Variants in GRIN2A observed in about 807,000 individuals in gnomAD.
The protein encoded by GRIN2A is glutamate ionotropic receptor NMDA type subunit 2A, also known as glutamate receptor ionotropic, NMDA 2A.
A neutral mutation model predicts 113.4 loss-of-function variants in GRIN2A; 22 were observed. That is an observed-to-expected ratio of 0.19 (90% confidence interval 0.14 to 0.28). The LOEUF is 0.28. Among genes scored for constraint, GRIN2A ranks in the 10% least tolerant of loss-of-function variants. The pLI, the probability that GRIN2A is intolerant of heterozygous loss-of-function variation, is 1.00. For synonymous variants in GRIN2A, 827 were observed against 738.4 expected (o/e 1.12, Z -1.94); for missense variants, 1,502 against 1,887.0 (o/e 0.80, Z 3.78).
chr16:9,894,725 T>C (rs2043768709), intron 3 of GRIN2A, among the ~76,000 whole-genome samples: 1 of 152,230 alleles, frequency 6.6e-6, no homozygotes, highest in Non-Finnish European at 1.5e-5. Flanking sequence ...GGGTTATTTT[T>C]AGCCCCGTCA....
chr16:9,909,611 G>C lies in GRIN2A; in HGVS notation c.1008-18511C>G, dbSNP rs533614473. Reference sequence around the variant, plus strand: ...TAGCTTAAGTACAGAGAAAAGAGCTGTGTGGATCACATTCAAGGAGAAATT... The same window carrying C: ...TAGCTTAAGTACAGAGAAAAGAGCTCTGTGGATCACATTCAAGGAGAAATT... On this transcript the variant is annotated intron_variant, in intron 3 of 12. Transcript: ENST00000330684. Among the ~76,000 whole-genome samples the C allele has an allele frequency of 4.7e-4, 71 of 152,336 alleles. 1 individual carries two copies. In the South Asian group the frequency reaches 5.2e-3, roughly 11 times the overall value.
chr16:9,994,068 C>A (rs1005326854), intron 2 of GRIN2A, among the ~76,000 whole-genome samples: 1 of 152,178 alleles, frequency 6.6e-6, no homozygotes, highest in Admixed American at 6.5e-5. Context: ...TGGAATATCA[C>A]CCTCCATGTT....
chr16:10,026,875 C>T (rs117233548), intron 2 of GRIN2A, among the ~76,000 whole-genome samples: 211 of 152,290 alleles, frequency 1.4e-3, no homozygotes, highest in Non-Finnish European at 2.5e-3. Context: ...TTCCAGTCCC[C>T]TCTCTTTCTC....
chr16:10,092,244 C>G (rs1473434312), intron 2 of GRIN2A, among the ~76,000 whole-genome samples: 1 of 152,140 alleles, frequency 6.6e-6, no homozygotes, highest in Admixed American at 6.5e-5. Flanking sequence ...GGCATAAACA[C>G]CATAATTACA....
At chr16:10,105,530 C>T (rs1403376429) in intron 2 of GRIN2A, among the ~76,000 whole-genome samples, 1 of 151,742 alleles carries the variant, frequency 6.6e-6, no homozygotes, top group African/African-American at 2.4e-5. Context: ...TGTTTAAATG[C>T]ATTTGAGACC....
At chr16:10,147,978 C>T (rs1181450557) in intron 2 of GRIN2A, among the ~76,000 whole-genome samples, 2 of 152,168 alleles carry the variant, frequency 1.3e-5, no homozygotes, top group Admixed American at 6.5e-5. Flanking sequence ...ATTCCTTGTC[C>T]TACCAGCATC....
Position 9,998,009 on chromosome 16 carries a change from C to A in GRIN2A, c.415-59458G>T, listed in dbSNP as rs1462979913. On this transcript the variant is annotated intron_variant, in intron 2 of 12. Coordinates refer to ENST00000330684, the MANE Select transcript of GRIN2A (RefSeq NM_001134407.3). ...GTATGAAAATAGACTAATACATGTACCTACTACATTTATTTATAGAATTAT... is the reference window on the plus strand; with the variant it reads ...GTATGAAAATAGACTAATACATGTAACTACTACATTTATTTATAGAATTAT... Among the ~76,000 whole-genome samples the A allele has an allele frequency of 3.9e-5, 6 of 152,228 alleles. No homozygotes were observed. The East Asian group carries it at 1.2e-3, about 29-fold the overall frequency.
At chr16:10,144,798 G>A (rs1449775359) in intron 2 of GRIN2A, among the ~76,000 whole-genome samples, 3 of 151,506 alleles carry the variant, frequency 2.0e-5, no homozygotes, top group African/African-American at 4.8e-5. Context: ...GCACACCCCT[G>A]TAATCCCAAC....
intron 5 of GRIN2A, among the ~76,000 whole-genome samples, chr16:9,844,348 T>C (rs549266302): frequency 3.0e-4 from 45 of 152,288 alleles, no homozygotes; most frequent in Admixed American, 6.5e-4. Context: ...AACTGGGCCT[T>C]GGGGACACAG....
At chr16:10,096,518 AT>A (rs921359596) in intron 2 of GRIN2A, among the ~76,000 whole-genome samples, 7 of 120,476 alleles carry the variant, frequency 5.8e-5, no homozygotes, top group African/African-American at 2.0e-4. Context: ...TTCTTTTTCA[AT>A]TTTTTTTAAA....
chr16:9,849,631 C>T lies in GRIN2A; in HGVS notation c.1328+125G>A. The T allele has an allele frequency of 3.8e-6, 3 of 782,382 alleles. No homozygotes were observed. In the South Asian group the frequency reaches 4.3e-5, roughly 11 times the overall value. 48.5% of individuals were successfully genotyped at this position (782,382 alleles called of 1,614,324 possible). A position where few individuals can be genotyped will look rare whatever the true frequency, so the allele number is the denominator to read the frequency against. ...TTTTTAAATTGATTATTGTATTATA[C>T]CTACTATAACGACGTGTATTTTCTA... On this transcript the variant is annotated intron_variant, in intron 5 of 12. Transcript: ENST00000330684.
intron 4 of GRIN2A, among the ~76,000 whole-genome samples, chr16:9,855,853 A>G (rs1451281366): frequency 6.6e-6 from 1 of 152,348 alleles, no homozygotes; most frequent in Admixed American, 6.5e-5. Flanking sequence ...AAAGAAGAAC[A>G]TGGTCAATAG....
Position 9,763,634 on chromosome 16 carries a change from G to T in GRIN2A, c.3910C>A (p.Leu1304Ile). The T allele has an allele frequency of 6.2e-7, 1 of 1,613,270 alleles. No homozygotes were observed. The highest frequency in any genetic ancestry group is 8.5e-7 in the Non-Finnish European group (1 of 1,179,992). ...CTTATGCTCCGGGAGGGCCTGCTAA[G>T]GTCTAGCTCCCTAGGTTTGTCGACA... ...NIVDKPRELD[L>I]SRPSRSISLK... Residue 1304 changes from leucine to isoleucine, a missense_variant, in exon 13 of 13, where the codon CTT becomes ATT. This residue lies in a region of GRIN2A where 832 missense variants were observed against 789.7 expected (regional missense o/e 1.05). Coordinates refer to ENST00000330684, the MANE Select transcript of GRIN2A (RefSeq NM_001134407.3).
At chr16:10,139,119 G>A (rs1182069391) in intron 2 of GRIN2A, among the ~76,000 whole-genome samples, 1 of 152,200 alleles carries the variant, frequency 6.6e-6, no homozygotes, top group African/African-American at 2.4e-5. Flanking sequence ...AAAATTGAGA[G>A]CATGAAACAG....
chr16:9,850,003 C>A, intron 4 of GRIN2A, 42 bp from the exon 5 acceptor site: 3 of 1,551,858 alleles, frequency 1.9e-6, no homozygotes, highest in Non-Finnish European at 2.7e-6. Context: ...TTTCTTCCGC[C>A]GCTGATTTCT....
At chr16:10,095,588 A>G (rs995636457) in intron 2 of GRIN2A, among the ~76,000 whole-genome samples, 1 of 152,204 alleles carries the variant, frequency 6.6e-6, no homozygotes, top group African/African-American at 2.4e-5. Flanking sequence ...GGATATTTAT[A>G]TAGTCTCAAT....
At chr16:10,095,566 T>C (rs913138842) in intron 2 of GRIN2A, among the ~76,000 whole-genome samples, 1 of 152,204 alleles carries the variant, frequency 6.6e-6, no homozygotes, top group Non-Finnish European at 1.5e-5. Flanking sequence ...AGTAAAAACA[T>C]GATAAGGAAT....
intron 3 of GRIN2A, among the ~76,000 whole-genome samples, chr16:9,926,846 A>G (rs2044475877): frequency 6.6e-6 from 1 of 152,134 alleles, no homozygotes; most frequent in African/African-American, 2.4e-5. Context: ...TGGTAAACAA[A>G]AAATATAATT....
intron 2 of GRIN2A, among the ~76,000 whole-genome samples, chr16:10,137,510 C>T (rs537902698): frequency 6.6e-6 from 1 of 152,180 alleles, no homozygotes; most frequent in African/African-American, 2.4e-5. Context: ...AATTTCATTT[C>T]CCTTCCTTAG....
Sources: gnomAD v4.1 joint callset for allele counts (sites outside exome capture counted in the v4.1 genomes callset) on GRCh38, gnomAD v4.1.1 for gene constraint, gnomAD v4.1.1 regional missense constraint, MANE v1.5 for transcripts, NCBI Gene and HGNC (gene_info 2026-07-23, HGNC 2026-07-21) for gene names.